Variants in FHOD3 observed in about 807,000 individuals in gnomAD.
FHOD3 encodes FH1/FH2 domain-containing protein 3.
FHOD3 carries 90 observed loss-of-function variants against 173.0 expected under a neutral mutation model. The ratio of observed to expected loss-of-function variants is 0.52; its 90% CI spans 0.44 to 0.62. FHOD3 has a LOEUF of 0.62. Ranked by LOEUF, FHOD3 falls within the 20% of genes least tolerant of loss-of-function variation. The pLI, the probability that FHOD3 is intolerant of heterozygous loss-of-function variation, is 0.00. For synonymous variants in FHOD3, 828 were observed against 823.0 expected (o/e 1.01, Z -0.10); for missense variants, 1,945 against 2,034.7 (o/e 0.96, Z 0.85).
chr18:36,412,082 T>C (rs573125063), intron 3 of FHOD3, among the ~76,000 whole-genome samples: 1 of 152,306 alleles, frequency 6.6e-6, no homozygotes, highest in South Asian at 2.1e-4. Context: ...ACCAGAACTG[T>C]TTCCCACAAT....
intron 3 of FHOD3, among the ~76,000 whole-genome samples, chr18:36,393,905 G>A (rs962292269): frequency 1.4e-4 from 21 of 152,126 alleles, no homozygotes; most frequent in African/African-American, 3.4e-4. Flanking sequence ...CCACAAGCCC[G>A]GGGACTACAG....
At chr18:36,575,924 C>T (rs2058631533) in intron 5 of FHOD3, among the ~76,000 whole-genome samples, 2 of 152,140 alleles carry the variant, frequency 1.3e-5, no homozygotes, top group Admixed American at 6.6e-5. Context: ...ACTTGAAAAT[C>T]TTTAAAGGGA....
rs768552095 is a variant in FHOD3, at chr18:36,709,347, A to T, written c.2489A>T (p.Glu830Val). ...GTCTCGTCCTCCAGCAGCACGTTGG[A>T]GAGGGAGGAGAAGGAGGACAAGCTC... ...SSVSSSSSTLEREEKEDKLSR... is the reference protein window; with the variant it reads ...SSVSSSSSTLVREEKEDKLSR... The change falls in exon 18 of 29, where the codon GAG (glutamate) becomes GTG (valine). Residue 830 changes from glutamate (E) to valine (V), a missense_variant. Glu to Val is a moderately radical substitution (Grantham distance 121). Around this residue, in one of 5 missense-constraint regions of FHOD3, gnomAD observed 1,099 missense variants for 1,051.2 expected, o/e 1.05. Transcript: ENST00000590592. 6.2e-7 allele frequency: 1 copy of T among 1,614,204 alleles called. No individual in the cohort carries two copies. The highest frequency in any genetic ancestry group is 1.1e-5 in the South Asian group (1 of 91,080).
At chr18:36,495,965 G>GGATCCAAGAGT (rs972203241) in intron 3 of FHOD3, among the ~76,000 whole-genome samples, 1 of 152,190 alleles carries the variant, frequency 6.6e-6, no homozygotes, top group African/African-American at 2.4e-5. Flanking sequence ...CATAGGAAAT[G>GGATCCAAGAGT]GATCCAAGAG....
intron 5 of FHOD3, among the ~76,000 whole-genome samples, chr18:36,536,563 C>A (rs1156827298): frequency 2.6e-5 from 4 of 152,236 alleles, no homozygotes; most frequent in Non-Finnish European, 4.4e-5. Flanking sequence ...TGTGCTGGCT[C>A]TGCACATGTG....
chr18:36,532,673 C>G (rs1191869610), intron 5 of FHOD3, among the ~76,000 whole-genome samples: 1 of 152,206 alleles, frequency 6.6e-6, no homozygotes, highest in Non-Finnish European at 1.5e-5. Flanking sequence ...TCAGTAGTTA[C>G]CACGTGTTGT....
intron 5 of FHOD3, among the ~76,000 whole-genome samples, chr18:36,561,718 C>A (rs55791663): frequency 0.014 from 2,182 of 152,240 alleles, 54 homozygotes; most frequent in African/African-American, 0.05. Context: ...GCTCCTCAAT[C>A]TTCCTTACCC....
At chr18:36,415,367 G>A (rs2049581127) in intron 3 of FHOD3, among the ~76,000 whole-genome samples, 1 of 152,220 alleles carries the variant, frequency 6.6e-6, no homozygotes, top group African/African-American at 2.4e-5. Context: ...TTAGGAGGGA[G>A]CAGTGAGGCT....
At chr18:36,437,953 C>T (rs769236143) in intron 3 of FHOD3, among the ~76,000 whole-genome samples, 14 of 152,038 alleles carry the variant, frequency 9.2e-5, no homozygotes, top group Admixed American at 7.2e-4. Flanking sequence ...TGAGCCACCG[C>T]GCCTGGCCGA....
intron 2 of FHOD3, among the ~76,000 whole-genome samples, chr18:36,359,786 G>A (rs1372940191): frequency 6.6e-6 from 1 of 152,046 alleles, no homozygotes; most frequent in African/African-American, 2.4e-5. Context: ...ATAATTGGGG[G>A]CAATATTATC....
Position 36,532,682 on chromosome 18 carries a change from G to C in FHOD3, c.511+20139G>C, listed in dbSNP as rs1469496244. Among the ~76,000 whole-genome samples, 3 of 152,194 alleles carry C rather than the reference G, an allele frequency of 2.0e-5. No homozygotes were observed. The East Asian group carries it at 5.8e-4, about 29-fold the overall frequency. On this transcript the variant is annotated intron_variant, in intron 5 of 28. Transcript: ENST00000590592. The stretch of plus-strand genomic sequence containing the variant: ...GAAGAATCAGTAGTTACCACGTGTT[G>C]TTCCACAAATCCTGGGTTCCCTCGG...
Position 36,577,273 on chromosome 18 carries a change from G to A in FHOD3, c.606+728G>A, listed in dbSNP as rs530810514. 3.4e-4 allele frequency among the ~76,000 whole-genome samples: 52 copies of A among 151,912 alleles called. 1 individual carries two copies. Among genetic ancestry groups the A allele is most frequent in the Admixed American group, 6.5e-5 (1 of 15,278 alleles). ...TATAAAAGTAATCAATGTTTATTAC[G>A]GATTTGCCAGGCACCAAACTAGGTA... On this transcript the variant is annotated intron_variant, in intron 6 of 28. Coordinates refer to ENST00000590592, the MANE Select transcript of FHOD3 (RefSeq NM_001281740.3).
intron 9 of FHOD3, among the ~76,000 whole-genome samples, chr18:36,623,329 G>T (rs1489383606): frequency 6.6e-6 from 1 of 152,198 alleles, no homozygotes. Flanking sequence ...CATTCCAAAT[G>T]TGTGCTTAAT....
intron 5 of FHOD3, among the ~76,000 whole-genome samples, chr18:36,575,884 T>C (rs1270898093): frequency 2.0e-5 from 3 of 152,220 alleles, no homozygotes; most frequent in Non-Finnish European, 4.4e-5. Flanking sequence ...ATGTGTGATA[T>C]CATGTATTTT....
At chr18:36,671,806 A>G (rs369521148) in intron 14 of FHOD3, among the ~76,000 whole-genome samples, 1 of 152,228 alleles carries the variant, frequency 6.6e-6, no homozygotes, top group Admixed American at 6.5e-5. Flanking sequence ...AGCAGGCGAC[A>G]GGGACTGCTT....
chr18:36,709,880 T>G (rs1353338086), intron 18 of FHOD3: 1 of 156,210 alleles, frequency 6.4e-6, no homozygotes, highest in Non-Finnish European at 1.4e-5. Flanking sequence ...AAGATTTGTT[T>G]AAATGGATTG....
intron 26 of FHOD3, among the ~76,000 whole-genome samples, chr18:36,759,877 C>T (rs900288435): frequency 1.3e-5 from 2 of 152,164 alleles, no homozygotes; most frequent in African/African-American, 4.8e-5. Context: ...TCCAGGTGTT[C>T]GGCATTGTGT....
chr18:36,652,793 G>A lies in FHOD3; in HGVS notation c.1510G>A (p.Gly504Ser). The part of the protein sequence containing the change: ...SAARPSSATP[G>S]SLKVSPTIDK... Reference sequence around the variant, plus strand: ...TGCTCGGCCCTCCTCCGCCACACCAGGCTCCCTGAAGGTGTCACCGACCAT... The same window carrying A: ...TGCTCGGCCCTCCTCCGCCACACCAAGCTCCCTGAAGGTGTCACCGACCAT... Residue 504 changes from glycine to serine, a missense_variant, in exon 12 of 29, where the codon GGC becomes AGC. Coordinates refer to ENST00000590592, the MANE Select transcript of FHOD3 (RefSeq NM_001281740.3). The A allele has an allele frequency of 6.5e-7, 1 of 1,535,986 alleles. No individual in the cohort carries two copies. Among genetic ancestry groups the A allele is most frequent in the Non-Finnish European group, 8.7e-7 (1 of 1,146,724 alleles).
Position 36,357,323 on chromosome 18 carries a change from G to T in FHOD3, c.272+1678G>T, listed in dbSNP as rs1281807954. 2.6e-5 allele frequency among the ~76,000 whole-genome samples: 4 copies of T among 152,218 alleles called. No individual in the cohort carries two copies. In the East Asian group the frequency reaches 7.7e-4, roughly 29 times the overall value. On this transcript the variant is annotated intron_variant, in intron 2 of 28. Transcript: ENST00000590592. ...TAACACTTTACTAGGTCAGAACCAT[G>T]CCTGTCTGAATGTCCAGGATTTGGC...
Sources: gnomAD v4.1 joint callset for allele counts (sites outside exome capture counted in the v4.1 genomes callset) on GRCh38, gnomAD v4.1.1 for gene constraint, gnomAD v4.1.1 regional missense constraint, MANE v1.5 for transcripts, NCBI Gene and HGNC (gene_info 2026-07-23, HGNC 2026-07-21) for gene names.